The following DNAH9 variants were observed in gnomAD, a reference collection of about 807,000 sequenced individuals.
The protein encoded by DNAH9 is dynein axonemal heavy chain 9, also known as DNAH9 variant protein.
Under a neutral mutation model 471.6 loss-of-function variants are expected in DNAH9, and 345 were observed. The observed-to-expected ratio is 0.73, with a 90% confidence interval of 0.67 to 0.80. The LOEUF (loss-of-function observed/expected upper bound fraction) is 0.80, where lower values mean the gene tolerates loss of function less well. Among genes scored for constraint, DNAH9 ranks in the 30% least tolerant of loss-of-function variants. The probability of loss-of-function intolerance (pLI) is 0.00; values close to 1 mark genes in which losing one functional copy is unlikely to be tolerated. For synonymous variants in DNAH9, 2,093 were observed against 2,123.6 expected (o/e 0.99, Z 0.40); for missense variants, 5,407 against 5,609.2 (o/e 0.96, Z 1.15).
In DNAH9 at chr17:11,886,178, G is replaced by T. The variant is rs188140436; in HGVS notation, c.10972-647G>T. ...TCTCTACTAAAAATAACAAAAATTA[G>T]TCGGGCGTGGTGGCAGGCGCCTGTA... On this transcript the variant is annotated intron_variant, in intron 56 of 68. Transcript: ENST00000262442. Among the ~76,000 whole-genome samples the T allele has an allele frequency of 2.4e-3, 367 of 152,252 alleles. 1 individual carries two copies. Among genetic ancestry groups the T allele is most frequent in the African/African-American group, 8.5e-3 (352 of 41,540 alleles).
intron 67 of DNAH9, among the ~76,000 whole-genome samples, chr17:11,944,260 G>A (rs1975040524): frequency 6.6e-6 from 1 of 152,214 alleles, no homozygotes; most frequent in South Asian, 2.1e-4. Context: ...GGACAGTCTT[G>A]TGGGGAAACA....
intron 56 of DNAH9, chr17:11,884,238 G>A (rs750467745): frequency 5.7e-6 from 1 of 174,910 alleles, no homozygotes; most frequent in Non-Finnish European, 1.2e-5. Context: ...CTCAAAAACT[G>A]TATCATCCTG....
intron 43 of DNAH9, among the ~76,000 whole-genome samples, chr17:11,806,880 G>A (rs1363746718): frequency 1.3e-5 from 2 of 152,130 alleles, no homozygotes; most frequent in Non-Finnish European, 2.9e-5. Flanking sequence ...CTTGCATAAG[G>A]TATATGCATA....
chr17:11,847,908 C>T (rs1449317771), intron 49 of DNAH9, among the ~76,000 whole-genome samples: 2 of 150,282 alleles, frequency 1.3e-5, no homozygotes, highest in Admixed American at 6.6e-5. Context: ...GTCATTTCTT[C>T]GGCCTCCACC....
rs1235043979 is a variant in DNAH9, at chr17:11,853,861, A to G, written c.9508-142A>G. 6 of 750,546 alleles carry G rather than the reference A, an allele frequency of 8.0e-6. No individual in the cohort carries two copies. The African/African-American group carries it at 1.1e-4, about 13-fold the overall frequency. 46.5% of individuals were successfully genotyped at this position (750,546 alleles called of 1,614,324 possible). ...AGCTTTGGTTTCCTTTTGATGAGTC[A>G]TGATATTTAAAATTCAGAGGGCTGC... On this transcript the variant is annotated intron_variant, in intron 49 of 68. Coordinates refer to ENST00000262442, the MANE Select transcript of DNAH9 (RefSeq NM_001372.4).
chr17:11,762,940 C>T (rs564309238), intron 35 of DNAH9, among the ~76,000 whole-genome samples: 4 of 151,604 alleles, frequency 2.6e-5, no homozygotes, highest in East Asian at 1.9e-4. Flanking sequence ...CCACCGTGCC[C>T]GGCTAATTTT....
intron 13 of DNAH9, among the ~76,000 whole-genome samples, chr17:11,651,614 T>C (rs2073508282): frequency 6.6e-6 from 1 of 152,254 alleles, no homozygotes; most frequent in Non-Finnish European, 1.5e-5. Context: ...GGGTGCTCCA[T>C]GAGTGACAGC....
At chr17:11,907,532 C>T (rs12944013) in intron 61 of DNAH9, among the ~76,000 whole-genome samples, 62,538 of 151,746 alleles carry the variant, frequency 0.41, 13,246 homozygotes, top group Middle Eastern at 0.47. Context: ...TCTGACCCCC[C>T]CTTCCCATCA....
chr17:11,701,562 A>G (rs1420849082), intron 24 of DNAH9, among the ~76,000 whole-genome samples: 1 of 152,260 alleles, frequency 6.6e-6, no homozygotes, highest in African/African-American at 2.4e-5. Flanking sequence ...TGCTGAGCAC[A>G]GGACACACCA....
At chr17:11,636,865 G>T (rs879234347) in intron 9 of DNAH9, 81 bp downstream of exon 9, 1 of 1,263,330 alleles carries the variant, frequency 7.9e-7, no homozygotes, top group African/African-American at 1.5e-5. Flanking sequence ...TTTGTTAAAT[G>T]TCCATGTATG....
At chr17:11,671,577 G>A (rs538469901) in intron 17 of DNAH9, among the ~76,000 whole-genome samples, 3 of 152,290 alleles carry the variant, frequency 2.0e-5, no homozygotes, top group Non-Finnish European at 4.4e-5. Context: ...TTAGGGCAGG[G>A]GGATAATGGC....
chr17:11,704,123 T>G, intron 24 of DNAH9, 80 bp from the exon 25 acceptor site: 8 of 1,524,464 alleles, frequency 5.2e-6, no homozygotes, highest in Non-Finnish European at 7.2e-6. Context: ...AATTACATCC[T>G]GAGCCCTTGC....
Position 11,680,794 on chromosome 17 carries a change from G to A in DNAH9, c.3648G>A (p.Gln1216=), listed in dbSNP as rs1157477025. 1.2e-6 allele frequency: 2 copies of A among 1,613,970 alleles called. No homozygotes were observed. Among genetic ancestry groups the A allele is most frequent in the South Asian group, 1.1e-5 (1 of 91,034 alleles). The stretch of plus-strand genomic sequence containing the variant: ...TGAAGCAGCAGGTGGCCCCACTGCA[G>A]GCAAATGAAGTGACACTCCTCCGCC... ...ITVKQQVAPL[Q]ANEVTLLRQR... is the part of the protein sequence containing the mutation. The change falls in exon 19 of 69, where the codon CAG becomes CAA. Residue 1216 remains glutamine (Q), a synonymous_variant. Transcript: ENST00000262442.
chr17:11,678,636 G>A (rs1012488649), intron 17 of DNAH9, among the ~76,000 whole-genome samples: 14 of 151,776 alleles, frequency 9.2e-5, no homozygotes, highest in Non-Finnish European at 1.9e-4. Flanking sequence ...TAAGAAACTT[G>A]TCTTTGCTCT....
intron 60 of DNAH9, among the ~76,000 whole-genome samples, chr17:11,904,265 G>A (rs954158822): frequency 3.3e-5 from 5 of 152,106 alleles, no homozygotes; most frequent in Admixed American, 2.6e-4. Flanking sequence ...TGACTGAAGG[G>A]GAACAGATGA....
At chr17:11,796,971 A>G (rs1051313767) in intron 42 of DNAH9, among the ~76,000 whole-genome samples, 7 of 152,154 alleles carry the variant, frequency 4.6e-5, no homozygotes, top group Non-Finnish European at 1.0e-4. Flanking sequence ...CATTTCTCCT[A>G]TGGGTGAGAT....
intron 67 of DNAH9, among the ~76,000 whole-genome samples, chr17:11,959,099 CAA>C (rs11305692): frequency 1.3e-5 from 2 of 151,068 alleles, no homozygotes; most frequent in East Asian, 3.9e-4. Flanking sequence ...TTTAAAATAT[CAA>C]AAAAAAAACA....
At chr17:11,879,301 CA>C (rs1972625079) in intron 53 of DNAH9, among the ~76,000 whole-genome samples, 1 of 152,102 alleles carries the variant, frequency 6.6e-6, no homozygotes, top group African/African-American at 2.4e-5. Context: ...CTTCTTTCTA[CA>C]CATCTATATT....
intron 54 of DNAH9, among the ~76,000 whole-genome samples, chr17:11,880,579 C>T (rs1247144494): frequency 6.6e-6 from 1 of 152,096 alleles, no homozygotes; most frequent in Non-Finnish European, 1.5e-5. Flanking sequence ...TTTAATGAGT[C>T]TCTGCTGCTT....
Sources: gnomAD v4.1 joint callset for allele counts (sites outside exome capture counted in the v4.1 genomes callset) on GRCh38, gnomAD v4.1.1 for gene constraint, MANE v1.5 for transcripts, NCBI Gene and HGNC (gene_info 2026-07-23, HGNC 2026-07-21) for gene names.